Variants in RAPGEF4 observed in about 807,000 individuals in gnomAD.
RAPGEF4 encodes the protein Rap guanine nucleotide exchange factor 4.
In RAPGEF4, 66 loss-of-function variants were observed where a neutral mutation model predicts 147.9. That is an observed-to-expected ratio of 0.45 (90% CI 0.37 to 0.55). RAPGEF4 has a LOEUF of 0.55. RAPGEF4 is among the 20% of genes least tolerant of loss of function. The pLI is 0.00. For synonymous variants in RAPGEF4, 419 were observed against 442.7 expected (o/e 0.95, Z 0.67); for missense variants, 1,071 against 1,257.3 (o/e 0.85, Z 2.24).
chr2:173,017,636 G>A (rs1393725026), intron 21 of RAPGEF4, 132 bp downstream of exon 21: 1 of 771,174 alleles, frequency 1.3e-6, no homozygotes, highest in East Asian at 2.7e-5. Context: ...TTTGCTTGGA[G>A]GTGCCCTTTG....
At chr2:172,834,327 A>T (rs1690688684) in intron 4 of RAPGEF4, among the ~76,000 whole-genome samples, 1 of 152,198 alleles carries the variant, frequency 6.6e-6, no homozygotes, top group African/African-American at 2.4e-5. Flanking sequence ...GTAAAATGGG[A>T]TATAATCATG....
intron 5 of RAPGEF4, among the ~76,000 whole-genome samples, chr2:172,921,876 TG>T (rs1684800474): frequency 6.6e-6 from 1 of 152,156 alleles, no homozygotes; most frequent in African/African-American, 2.4e-5. Flanking sequence ...TAGAGCCGAG[TG>T]GAGTGGTTTG....
chr2:173,017,374 A>G, intron 20 of RAPGEF4, 52 bp from the exon 21 acceptor site: 1 of 1,511,814 alleles, frequency 6.6e-7, no homozygotes, highest in Non-Finnish European at 9.2e-7. Flanking sequence ...CTGAGATGCT[A>G]GCATGCATTG....
intron 6 of RAPGEF4, among the ~76,000 whole-genome samples, chr2:172,954,511 C>T (rs940979747): frequency 1.3e-4 from 20 of 152,118 alleles, no homozygotes; most frequent in African/African-American, 4.6e-4. Context: ...AAATGGAAGC[C>T]GAAGAAGTCT....
At chr2:172,791,756 A>G (rs1390437446) in intron 1 of RAPGEF4, among the ~76,000 whole-genome samples, 1 of 152,148 alleles carries the variant, frequency 6.6e-6, no homozygotes, top group Non-Finnish European at 1.5e-5. Context: ...TCATTTAACA[A>G]TCTGGTTCTG....
rs1157389492 is a variant in RAPGEF4, at chr2:172,768,038, C to T, written c.66-26987C>T. On this transcript the variant is annotated intron_variant, in intron 1 of 30. Coordinates refer to ENST00000397081, the MANE Select transcript of RAPGEF4 (RefSeq NM_007023.4). ...TGTTGGCCAGGCTGGTCTCGAACTC[C>T]TGACCTCAAGTGATCTGCCCGCCTC... Among the ~76,000 whole-genome samples the T allele has an allele frequency of 2.6e-5, 4 of 152,130 alleles. No individual in the cohort carries two copies. The East Asian group carries it at 7.7e-4, about 29-fold the overall frequency.
chr2:172,878,147 G>T (rs1338195440), intron 4 of RAPGEF4, among the ~76,000 whole-genome samples: 2 of 152,198 alleles, frequency 1.3e-5, no homozygotes, highest in Non-Finnish European at 2.9e-5. Flanking sequence ...ACAGCGTAAG[G>T]TTAGAGAGGT....
chr2:172,976,644 G>C (rs1007223855), intron 10 of RAPGEF4, among the ~76,000 whole-genome samples: 4 of 152,148 alleles, frequency 2.6e-5, no homozygotes, highest in African/African-American at 7.2e-5. Context: ...TTGTACCAAG[G>C]TCTGCTAGGT....
At chr2:173,017,028 C>CT (rs1193692900) in intron 19 of RAPGEF4, 146 bp from the exon 20 acceptor site, 18 of 738,048 alleles carry the variant, frequency 2.4e-5, no homozygotes, top group Admixed American at 4.9e-5. Flanking sequence ...TGATCTATTA[C>CT]TATTAAAATG....
chr2:172,760,469 A>G (rs957619350), intron 1 of RAPGEF4, among the ~76,000 whole-genome samples: 33 of 152,264 alleles, frequency 2.2e-4, no homozygotes, highest in Admixed American at 7.8e-4. Context: ...CTGTAATCCC[A>G]GCACTTTGGG....
intron 4 of RAPGEF4, 114 bp downstream of exon 4, chr2:172,814,539 A>T (rs1273671882): frequency 1.6e-6 from 2 of 1,283,824 alleles, no homozygotes; most frequent in South Asian, 2.5e-5. Context: ...GAGCTGGTAG[A>T]TGGAATTTAA....
At chr2:172,813,897 T>A (rs56164818) in intron 3 of RAPGEF4, among the ~76,000 whole-genome samples, 17,535 of 152,130 alleles carry the variant, frequency 0.12, 1,057 homozygotes, top group South Asian at 0.18. Flanking sequence ...GGAAGAATCT[T>A]TGGATCCATG....
chr2:172,977,586 CA>C (rs373424635), intron 10 of RAPGEF4, among the ~76,000 whole-genome samples: 9 of 152,112 alleles, frequency 5.9e-5, no homozygotes, highest in African/African-American at 1.7e-4. Flanking sequence ...ACTGAGCCCC[CA>C]CTAGGGTGGG....
Position 172,983,642 on chromosome 2 carries a change from G to A in RAPGEF4, c.1089+62G>A, listed in dbSNP as rs2105669912. ...TTGCAATAAATGCACTGTTAGGACA[G>A]AGGAGAGTATTACGGTGTTGTGGGG... On this transcript the variant is annotated intron_variant, in intron 11 of 30. Transcript: ENST00000397081. 2.5e-6 allele frequency: 4 copies of A among 1,596,942 alleles called. No homozygotes were observed. The East Asian group carries it at 6.7e-5, about 27-fold the overall frequency.
rs529361263 is a variant in RAPGEF4 at position 172,771,855 on chromosome 2, A to G, written c.66-23170A>G. Among the ~76,000 whole-genome samples, 51 of 152,388 alleles carry G rather than the reference A, an allele frequency of 3.3e-4. No individual in the cohort carries two copies. In the South Asian group the frequency reaches 9.7e-3, roughly 29 times the overall value. ...ATTGTGAACAATAAACCAGCCTTCA[A>G]TGCAGCTAAATAAAAGCCCACATTT... On this transcript the variant is annotated intron_variant, in intron 1 of 30. Transcript: ENST00000397081.
intron 18 of RAPGEF4, among the ~76,000 whole-genome samples, chr2:173,014,856 T>G (rs1695363521): frequency 6.6e-6 from 1 of 152,244 alleles, no homozygotes; most frequent in Non-Finnish European, 1.5e-5. Context: ...TTTCTTTGTA[T>G]GTTTTATCTT....
intron 1 of RAPGEF4, among the ~76,000 whole-genome samples, chr2:172,761,103 C>CTTTTTTTTTTTTTTATTTTTTTTTTT: frequency 7.2e-6 from 1 of 139,594 alleles, no homozygotes; most frequent in East Asian, 2.1e-4. Flanking sequence ...ATTTTTCTTT[C>CTTTTTTTTTTTTTTATTTTTTTTTTT]TTTTTTTTTT....
At chr2:173,016,184 G>C (rs3769225) in intron 18 of RAPGEF4, among the ~76,000 whole-genome samples, 165 bp from the exon 19 acceptor site, 8,601 of 152,142 alleles carry the variant, frequency 0.057, 335 homozygotes, top group East Asian at 0.1. Flanking sequence ...TTTGAACTTA[G>C]ACATAGTGTA....
chr2:172,816,739 A>G (rs548264905), intron 4 of RAPGEF4, among the ~76,000 whole-genome samples: 5 of 152,322 alleles, frequency 3.3e-5, no homozygotes, highest in Non-Finnish European at 7.3e-5. Context: ...CCAGTGGCAT[A>G]AGTGTACTGG....
Sources: gnomAD v4.1 joint callset for allele counts (sites outside exome capture counted in the v4.1 genomes callset) on GRCh38, gnomAD v4.1.1 for gene constraint, MANE v1.5 for transcripts, NCBI Gene and HGNC (gene_info 2026-07-23, HGNC 2026-07-21) for gene names.